The following PRRC2C variants were observed in gnomAD, a reference collection of about 807,000 sequenced individuals.
PRRC2C encodes the protein proline rich coiled-coil 2C.
Under a neutral mutation model 317.2 loss-of-function variants are expected in PRRC2C, and 72 were observed. The observed-to-expected ratio is 0.23, with a 90% confidence interval of 0.19 to 0.28. The LOEUF (loss-of-function observed/expected upper bound fraction) is 0.28, where lower values mean the gene tolerates loss of function less well. Among genes scored for constraint, PRRC2C ranks in the 10% least tolerant of loss-of-function variants. The pLI, the probability that PRRC2C is intolerant of heterozygous loss-of-function variation, is 1.00. For missense variants in PRRC2C, 3,074 were observed against 3,459.7 expected, an observed-to-expected ratio of 0.89 and a Z score of 2.80; for synonymous variants, 1,296 against 1,205.9, an observed-to-expected ratio of 1.07 and a Z score of -1.55.
rs1347883298 is a variant in PRRC2C at position 171,541,731 on chromosome 1, C to T, written c.4265C>T (p.Pro1422Leu). ...AAATTTGACCCAGCTAGAGAAAGGC[C>T]TCGAAGGCAGCGTCCTACTCGACCA... ...ERKFDPARER[P>L]RRQRPTRPPR... is the part of the protein sequence containing the mutation. The change falls in exon 16 of 35, where the codon CCT becomes CTT. Residue 1422 changes from proline (P) to leucine (L), a missense_variant. By Grantham distance (98) the Pro-to-Leu change is moderately conservative. Transcript: ENST00000647382. The surrounding 1 kb of genome is among the most constrained non-coding windows in gnomAD (Gnocchi z 4.1). The T allele has an allele frequency of 6.2e-7, 1 of 1,613,786 alleles. No homozygotes were observed. Among genetic ancestry groups the T allele is most frequent in the Non-Finnish European group, 8.5e-7 (1 of 1,179,860 alleles).
At chr1:171,507,497 A>G (rs1670484599) in intron 1 of PRRC2C, among the ~76,000 whole-genome samples, 1 of 152,060 alleles carries the variant, frequency 6.6e-6, no homozygotes, top group South Asian at 2.1e-4. Flanking sequence ...CGTAGTCCCA[A>G]CTACTTGGGA....
intron 1 of PRRC2C, among the ~76,000 whole-genome samples, chr1:171,489,779 A>T (rs1009193893): frequency 3.3e-5 from 5 of 152,204 alleles, no homozygotes; most frequent in African/African-American, 1.2e-4. Flanking sequence ...TGCCTAACTC[A>T]ACTACATGGG....
intron 15 of PRRC2C, 39 bp downstream of exon 15, chr1:171,537,512 T>C (rs1340608290): frequency 4.0e-6 from 6 of 1,513,762 alleles, no homozygotes; most frequent in Admixed American, 4.0e-5. Context: ...ATACAGAATA[T>C]TTTGGTAAAA....
chr1:171,548,683 A>G (rs1679621447), intron 17 of PRRC2C, among the ~76,000 whole-genome samples: 1 of 152,164 alleles, frequency 6.6e-6, no homozygotes, highest in Non-Finnish European at 1.5e-5. Context: ...TATATTTCAC[A>G]TACTGACTGG....
chr1:171,591,883 C>CT lies in PRRC2C; in HGVS notation c.*36_*37insT. On this transcript the variant is annotated 3_prime_UTR_variant, in exon 35 of 35. Coordinates refer to ENST00000647382, the MANE Select transcript of PRRC2C (RefSeq NM_001387844.1). ...TTATTGCAGGGGATTGGGAGGGGGGCGGGAAAACATGGAGAATTAAGTCAG... is the reference window on the plus strand; with the variant it reads ...TTATTGCAGGGGATTGGGAGGGGGGCTGGGAAAACATGGAGAATTAAGTCAG... 1 of 1,126,366 alleles carries CT rather than the reference C, an allele frequency of 8.9e-7. No homozygotes were observed. The highest frequency in any genetic ancestry group is 1.2e-6 in the Non-Finnish European group (1 of 856,618). The allele number at this position is 1,126,366 out of a possible 1,614,324, so 69.8% of individuals were successfully genotyped here. A position where few individuals can be genotyped will look rare whatever the true frequency, so the allele number is the denominator to read the frequency against.
chr1:171,582,768 G>A (rs76136918), intron 28 of PRRC2C, among the ~76,000 whole-genome samples: 18,971 of 151,610 alleles, frequency 0.13, 1,577 homozygotes, highest in South Asian at 0.35. Flanking sequence ...ACTGGCAGTT[G>A]CTGTAGGTGA....
At chr1:171,518,132 G>A (rs1014946763) in intron 6 of PRRC2C, among the ~76,000 whole-genome samples, 7 of 152,178 alleles carry the variant, frequency 4.6e-5, no homozygotes, top group African/African-American at 1.7e-4. Flanking sequence ...TATTAACAGG[G>A]ATTGCAGATA....
At chr1:171,488,163 C>T (rs1318236507) in intron 1 of PRRC2C, among the ~76,000 whole-genome samples, 1 of 152,138 alleles carries the variant, frequency 6.6e-6, no homozygotes, top group Non-Finnish European at 1.5e-5. Context: ...GTTTTGGATG[C>T]TATTTATGTC....
At chr1:171,527,972 C>G in intron 11 of PRRC2C, 128 bp downstream of exon 11, 1 of 681,428 alleles carries the variant, frequency 1.5e-6, no homozygotes, top group South Asian at 1.8e-5. Flanking sequence ...GTGACTCTTA[C>G]ATGTCTTACT....
At position 171,587,236 on chromosome 1, in the gene PRRC2C, A is replaced by G. The variant is rs538780516; in HGVS notation, c.7968+15A>G. 38 of 1,570,090 alleles carry G rather than the reference A, an allele frequency of 2.4e-5. No homozygotes were observed. The highest frequency in any genetic ancestry group is 3.0e-5 in the Non-Finnish European group (35 of 1,153,828). ...CCACAGGAAAAGTAAGTAAAGAGACATTTGCACAGGTTATTTGAGAATTTA... is the reference window on the plus strand; with the variant it reads ...CCACAGGAAAAGTAAGTAAAGAGACGTTTGCACAGGTTATTTGAGAATTTA... On this transcript the variant is annotated intron_variant, in intron 31 of 34. Transcript: ENST00000647382.
intron 22 of PRRC2C, 57 bp from the exon 23 acceptor site, chr1:171,568,187 GGAA>G: frequency 1.3e-6 from 2 of 1,505,334 alleles, no homozygotes; most frequent in Non-Finnish European, 1.8e-6. Flanking sequence ...AAAAAAAAGA[GGAA>G]GAAGTGAGCA....
intron 18 of PRRC2C, among the ~76,000 whole-genome samples, chr1:171,550,819 A>G (rs905748503): frequency 1.3e-5 from 2 of 152,166 alleles, no homozygotes; most frequent in African/African-American, 2.4e-5. Context: ...ATGGCTGCAT[A>G]GTATTCCATG....
At chr1:171,578,786 G>T (rs190862039) in intron 26 of PRRC2C, among the ~76,000 whole-genome samples, 1 of 152,202 alleles carries the variant, frequency 6.6e-6, no homozygotes, top group Admixed American at 6.5e-5. Flanking sequence ...CTTGAACCCG[G>T]GAGGTGGAGG....
chr1:171,566,612 A>G lies in PRRC2C; in HGVS notation c.6327A>G (p.Val2109=). 2 of 1,590,260 alleles carry G rather than the reference A, an allele frequency of 1.3e-6. No individual in the cohort carries two copies. The highest frequency in any genetic ancestry group is 1.7e-6 in the Non-Finnish European group (2 of 1,168,816). ...TTTAGCTTCCAGATTTGAGTCCAGT[A>G]GAAAACAAAGAACACAAACCTGGTC... ...KAQKLPDLSP[V]ENKEHKPGPI... Residue 2109 remains valine, a synonymous_variant, in exon 22 of 35, where the codon GTA becomes GTG. Transcript: ENST00000647382.
In PRRC2C at chr1:171,593,343, T is replaced by G. The variant is rs1009555614; in HGVS notation, c.*1496T>G. 1 of 151,356 alleles carries G rather than the reference T, an allele frequency of 6.6e-6. No individual in the cohort carries two copies. The highest frequency in any genetic ancestry group is 6.6e-5 in the Admixed American group (1 of 15,154). The allele number at this position is 151,356 out of a possible 1,614,324, so 9.4% of individuals were successfully genotyped here. On this transcript the variant is annotated 3_prime_UTR_variant, in exon 35 of 35. Transcript: ENST00000647382. The stretch of plus-strand genomic sequence containing the variant: ...TCAACTTTGGAAAAAGTATCCCGGT[T>G]TACTGTGTTGAGTTGGCATTGTACA...
intron 14 of PRRC2C, 41 bp downstream of exon 14, chr1:171,536,319 T>TA: frequency 6.3e-7 from 1 of 1,577,606 alleles, no homozygotes; most frequent in Non-Finnish European, 8.6e-7. Flanking sequence ...GGATCAAAAT[T>TA]TTTTTTTCCC....
chr1:171,551,416 G>A (rs565946087), intron 18 of PRRC2C, among the ~76,000 whole-genome samples: 2 of 152,160 alleles, frequency 1.3e-5, no homozygotes, highest in Admixed American at 6.5e-5. Flanking sequence ...TAGGTTGCCT[G>A]TTCACTCTGA....
Position 171,577,553 on chromosome 1 carries a change from C to T in PRRC2C, c.7075C>T (p.His2359Tyr). 6.2e-7 allele frequency: 1 copy of T among 1,613,770 alleles called. No homozygotes were observed. Among genetic ancestry groups the T allele is most frequent in the Non-Finnish European group, 8.5e-7 (1 of 1,179,740 alleles). ...LQTSSLPSAS[H>Y]FSQLSCMPSL... ...GACAAGCAGCCTGCCTTCTGCAAGTCATTTTTCACAGTTAAGCTGTATGCC... is the reference window on the plus strand; with the variant it reads ...GACAAGCAGCCTGCCTTCTGCAAGTTATTTTTCACAGTTAAGCTGTATGCC... Residue 2359 changes from histidine to tyrosine, a missense_variant, in exon 26 of 35, where the codon CAT (histidine) becomes TAT (tyrosine). Physicochemically the swap from His to Tyr is moderately conservative, Grantham distance 83 (BLOSUM62 2). Transcript: ENST00000647382.
In PRRC2C at chr1:171,583,942, T is replaced by C. The variant is rs759325751; in HGVS notation, c.7410-14T>C. 1 of 1,596,538 alleles carries C rather than the reference T, an allele frequency of 6.3e-7. No homozygotes were observed. On this transcript the variant is annotated splice_polypyrimidine_tract_variant and intron_variant, in intron 28 of 34. Coordinates refer to ENST00000647382, the MANE Select transcript of PRRC2C (RefSeq NM_001387844.1). ...TTAACTTCTAACAATATTTTCTCTT[T>C]AATCCTTATGTAGATCTCAGCCAGC... is the stretch of plus-strand genomic sequence containing the variant.
Sources: gnomAD v4.1 joint callset for allele counts (sites outside exome capture counted in the v4.1 genomes callset) on GRCh38, gnomAD v4.1.1 for gene constraint, Gnocchi (gnomAD v3.1) non-coding constraint, MANE v1.5 for transcripts, NCBI Gene and HGNC (gene_info 2026-07-23, HGNC 2026-07-21) for gene names.